The following PXDNL variants were observed in gnomAD, a reference collection of about 807,000 sequenced individuals.
The protein encoded by PXDNL is peroxidasin like.
A neutral mutation model predicts 150.8 loss-of-function variants in PXDNL; 145 were observed. The observed-to-expected ratio is 0.96, with a 90% CI of 0.84 to 1.10. The LOEUF is 1.10. Ranked by LOEUF, PXDNL falls within the 50% of genes least tolerant of loss-of-function variation. PXDNL has a pLI of 0.00. For synonymous variants in PXDNL, 757 were observed against 725.7 expected, an observed-to-expected ratio of 1.04 and a Z score of -0.69; for missense variants, 2,087 against 1,873.9, an observed-to-expected ratio of 1.11 and a Z score of -2.10.
intron 1 of PXDNL, among the ~76,000 whole-genome samples, chr8:51,806,292 T>C (rs1212515519): frequency 6.6e-6 from 1 of 152,222 alleles, no homozygotes; most frequent in Admixed American, 6.5e-5. Flanking sequence ...AAGCATTTAC[T>C]AAGCATGTTG....
chr8:51,589,760 G>A (rs1405200891), intron 3 of PXDNL, among the ~76,000 whole-genome samples: 1 of 152,040 alleles, frequency 6.6e-6, no homozygotes, highest in Non-Finnish European at 1.5e-5. Context: ...AGAAGCTAGA[G>A]GAAAAAACTT....
chr8:51,379,418 A>G (rs1048303592), intron 17 of PXDNL, among the ~76,000 whole-genome samples: 7 of 152,118 alleles, frequency 4.6e-5, no homozygotes, highest in Non-Finnish European at 8.8e-5. Context: ...ATGATTCTGG[A>G]TCTTCCTAAT....
intron 2 of PXDNL, among the ~76,000 whole-genome samples, chr8:51,644,318 T>TATATATATATATATATATATATA (rs1814852884): frequency 1.6e-5 from 1 of 63,324 alleles, no homozygotes; most frequent in African/African-American, 3.7e-5. Flanking sequence ...AGGCACATTT[T>TATATATATATATATATATATATA]TACATATATA....
At chr8:51,448,369 C>A (rs1809726951) in intron 11 of PXDNL, among the ~76,000 whole-genome samples, 1 of 152,192 alleles carries the variant, frequency 6.6e-6, no homozygotes, top group Admixed American at 6.5e-5. Context: ...TCATTTTGTA[C>A]TAGAAGAAAA....
chr8:51,338,104 G>A (rs975184500), intron 21 of PXDNL, among the ~76,000 whole-genome samples: 11 of 150,404 alleles, frequency 7.3e-5, no homozygotes, highest in East Asian at 2.0e-4. Context: ...ACTTGAGCCC[G>A]GGAGGCAGAG....
At chr8:51,618,594 T>C (rs1026548893) in intron 2 of PXDNL, among the ~76,000 whole-genome samples, 2 of 152,180 alleles carry the variant, frequency 1.3e-5, no homozygotes, top group Non-Finnish European at 2.9e-5. Flanking sequence ...TAAAAGTCAG[T>C]GCCTGGGGCC....
intron 8 of PXDNL, among the ~76,000 whole-genome samples, chr8:51,470,339 T>C (rs1810299060): frequency 6.6e-6 from 1 of 152,068 alleles, no homozygotes; most frequent in Admixed American, 6.6e-5. Flanking sequence ...CATGGCTGAG[T>C]TTCTGGCTAC....
intron 1 of PXDNL, among the ~76,000 whole-genome samples, chr8:51,735,527 T>TGG (rs371335847): frequency 1.0e-4 from 10 of 95,624 alleles, no homozygotes; most frequent in African/African-American, 3.2e-4. Context: ...TTAAAAATTG[T>TGG]TTTTTTTTTT....
chr8:51,533,955 G>A (rs984655878), intron 4 of PXDNL, among the ~76,000 whole-genome samples: 3 of 150,698 alleles, frequency 2.0e-5, no homozygotes, highest in Non-Finnish European at 4.4e-5. Flanking sequence ...CATCGTCTGG[G>A]ATACGAGGAG....
At chr8:51,329,477 T>C (rs1290163568) in intron 21 of PXDNL, among the ~76,000 whole-genome samples, 1 of 152,126 alleles carries the variant, frequency 6.6e-6, no homozygotes, top group East Asian at 1.9e-4. Flanking sequence ...ATGTATGGCT[T>C]TAAACAAAAT....
chr8:51,720,364 T>C (rs985864222), intron 1 of PXDNL, among the ~76,000 whole-genome samples: 51 of 152,146 alleles, frequency 3.4e-4, no homozygotes, highest in Non-Finnish European at 1.5e-4. Flanking sequence ...TTTGGAAGGG[T>C]TTTCATTCAT....
chr8:51,753,251 C>CA (rs372297643), intron 1 of PXDNL, among the ~76,000 whole-genome samples: 157 of 151,506 alleles, frequency 1.0e-3, no homozygotes, highest in Middle Eastern at 3.4e-3. Context: ...CTATTTAAGA[C>CA]AAAAAAAAGA....
intron 19 of PXDNL, among the ~76,000 whole-genome samples, chr8:51,351,110 A>G (rs978520255): frequency 6.6e-6 from 1 of 152,204 alleles, no homozygotes; most frequent in Non-Finnish European, 1.5e-5. Flanking sequence ...TCTTATTACA[A>G]TTGCTTTAGG....
At chr8:51,680,296 G>T (rs1290996929) in intron 1 of PXDNL, among the ~76,000 whole-genome samples, 10 of 152,140 alleles carry the variant, frequency 6.6e-5, no homozygotes, top group Non-Finnish European at 1.3e-4. Context: ...AAATAGAGTT[G>T]TCGTCTTCAA....
At chr8:51,713,855 C>T (rs1816549978) in intron 1 of PXDNL, among the ~76,000 whole-genome samples, 1 of 152,108 alleles carries the variant, frequency 6.6e-6, no homozygotes, top group South Asian at 2.1e-4. Flanking sequence ...AGCAAATAGT[C>T]ACTTGTTTTA....
intron 4 of PXDNL, among the ~76,000 whole-genome samples, chr8:51,546,232 G>A (rs944637455): frequency 1.3e-5 from 2 of 152,098 alleles, no homozygotes; most frequent in African/African-American, 4.8e-5. Flanking sequence ...CATTCCCACT[G>A]GGGAACCTAA....
At chr8:51,614,946 T>C in intron 2 of PXDNL, among the ~76,000 whole-genome samples, 1 of 152,320 alleles carries the variant, frequency 6.6e-6, no homozygotes, top group Non-Finnish European at 1.5e-5. Context: ...TTCAGTTAAT[T>C]TGAATAAAAA....
chr8:51,717,783 G>A (rs377267245), intron 1 of PXDNL, among the ~76,000 whole-genome samples: 16 of 152,154 alleles, frequency 1.1e-4, no homozygotes, highest in South Asian at 8.3e-4. Context: ...GAGAGGGAGA[G>A]AAGATGAGTA....
chr8:51,533,867 C>T (rs1811975191), intron 4 of PXDNL, among the ~76,000 whole-genome samples: 1 of 149,818 alleles, frequency 6.7e-6, no homozygotes, highest in African/African-American at 2.5e-5. Flanking sequence ...TGCCTTGGCC[C>T]CCTAAAGTGC....
Sources: allele counts gnomAD v4.1 joint callset (sites outside exome capture counted in the v4.1 genomes callset), GRCh38; gene constraint gnomAD v4.1.1; transcripts MANE v1.5; gene names NCBI Gene and HGNC (gene_info 2026-07-23, HGNC 2026-07-21).